TCF4: variants seen among roughly 807,000 people sequenced by gnomAD.
TCF4 encodes transcription factor 4, also known as SL3-3 enhancer factor 2.
Under a neutral mutation model 82.1 loss-of-function variants are expected in TCF4, and 3 were observed. That is an observed-to-expected ratio of 0.04 (90% CI 0.02 to 0.09). The LOEUF (loss-of-function observed/expected upper bound fraction) is 0.09. Ranked by LOEUF, TCF4 falls within the 10% of genes least tolerant of loss-of-function variation. The pLI is 1.00. For synonymous variants in TCF4, 276 were observed against 309.6 expected (o/e 0.89, Z 1.14); for missense variants, 518 against 852.7 (o/e 0.61, Z 4.89).
Position 55,577,186 on chromosome 18 carries a change from GTATATATACA to G in TCF4, c.145+8084_145+8093del, listed in dbSNP as rs1328634151. Among the ~76,000 whole-genome samples, 25 of 106,650 alleles carry G rather than the reference GTATATATACA, an allele frequency of 2.3e-4. No individual in the cohort carries two copies. The East Asian group carries it at 5.6e-3, about 24-fold the overall frequency. 70.0% of individuals were successfully genotyped at this position (106,650 alleles called of 152,430 possible). A position where few individuals can be genotyped will look rare whatever the true frequency, so the allele number is the denominator to read the frequency against. On this transcript the variant is annotated intron_variant, in intron 3 of 19. Coordinates refer to ENST00000354452, the MANE Select transcript of TCF4 (RefSeq NM_001083962.2). ...TATATACATTTATATATTTATAAAT[GTATATATACA>G]TTTATATATTTATATAAATGTATAT...
chr18:55,308,636 C>A (rs2071194697), intron 8 of TCF4, among the ~76,000 whole-genome samples: 2 of 152,194 alleles, frequency 1.3e-5, no homozygotes, highest in Non-Finnish European at 2.9e-5. Context: ...TGGAGGGTAT[C>A]ACTGGCTGGA....
chr18:55,425,447 T>C (rs561708875), intron 5 of TCF4, among the ~76,000 whole-genome samples: 1 of 151,762 alleles, frequency 6.6e-6, no homozygotes, highest in South Asian at 2.1e-4. Context: ...AATCTTTCCA[T>C]TCCCCAATGG....
At chr18:55,381,232 CA>C (rs1444157297) in intron 6 of TCF4, among the ~76,000 whole-genome samples, 1 of 152,180 alleles carries the variant, frequency 6.6e-6, no homozygotes, top group African/African-American at 2.4e-5. Flanking sequence ...ATTCTTACTG[CA>C]TTCACATTAA....
chr18:55,338,817 C>A (rs1428785009), intron 8 of TCF4, among the ~76,000 whole-genome samples: 1 of 152,130 alleles, frequency 6.6e-6, no homozygotes, highest in African/African-American at 2.4e-5. Context: ...ATAGATCATG[C>A]TTTTTATAAT....
intron 3 of TCF4, among the ~76,000 whole-genome samples, chr18:55,564,213 C>G (rs1025413630): frequency 1.3e-5 from 2 of 152,174 alleles, no homozygotes; most frequent in African/African-American, 4.8e-5. Context: ...CTAGAAGAAT[C>G]CCAATGTAGC....
chr18:55,367,661 G>A (rs564314853), intron 6 of TCF4, among the ~76,000 whole-genome samples: 4 of 152,290 alleles, frequency 2.6e-5, no homozygotes, highest in African/African-American at 7.2e-5. Flanking sequence ...GAATGTGCAG[G>A]AAAACATGAA....
At chr18:55,608,635 A>T (rs560898487) in intron 2 of TCF4, among the ~76,000 whole-genome samples, 1 of 152,246 alleles carries the variant, frequency 6.6e-6, no homozygotes, top group East Asian at 1.9e-4. Flanking sequence ...GCACTGTGCT[A>T]TGGGCCGTGG....
chr18:55,296,877 T>C (rs2066636433), intron 8 of TCF4, among the ~76,000 whole-genome samples: 2 of 152,178 alleles, frequency 1.3e-5, no homozygotes, highest in South Asian at 2.1e-4. Flanking sequence ...GTAAACTGAT[T>C]TGCCGTTGAA....
chr18:55,563,387 A>G (rs1025681156), intron 3 of TCF4, among the ~76,000 whole-genome samples: 5 of 152,170 alleles, frequency 3.3e-5, no homozygotes, highest in Non-Finnish European at 7.3e-5. Context: ...GAATTCAAGG[A>G]CCTCAAAGGG....
intron 1 of TCF4, among the ~76,000 whole-genome samples, chr18:55,587,602 G>GCACACA (rs1772334112): frequency 6.6e-6 from 1 of 150,676 alleles, no homozygotes; most frequent in Admixed American, 6.6e-5. Context: ...ACTCGCACAC[G>GCACACA]CACACACACT....
At chr18:55,458,662 C>T (rs1422770341) in intron 5 of TCF4, among the ~76,000 whole-genome samples, 2 of 152,028 alleles carry the variant, frequency 1.3e-5, no homozygotes, top group African/African-American at 2.4e-5. Context: ...CTTTGTTCCC[C>T]GAATCTAGCC....
intron 3 of TCF4, among the ~76,000 whole-genome samples, chr18:55,483,368 T>C (rs2096468533): frequency 6.6e-6 from 1 of 152,228 alleles, no homozygotes; most frequent in Admixed American, 6.5e-5. Flanking sequence ...TTCTCCATAA[T>C]TTAAATACTC....
intron 6 of TCF4, among the ~76,000 whole-genome samples, chr18:55,378,265 G>A (rs552951174): frequency 1.3e-5 from 2 of 152,160 alleles, no homozygotes; most frequent in South Asian, 4.1e-4. Context: ...ATATGGTATA[G>A]CTTGGCTAAT....
intron 2 of TCF4, among the ~76,000 whole-genome samples, chr18:55,626,423 T>G (rs2097726576): frequency 6.6e-6 from 1 of 152,194 alleles, no homozygotes; most frequent in African/African-American, 2.4e-5. Flanking sequence ...TAGAGGTTGG[T>G]GAAGTAGTTA....
intron 3 of TCF4, among the ~76,000 whole-genome samples, chr18:55,581,391 T>C (rs188540547): frequency 1.5e-4 from 23 of 152,182 alleles, no homozygotes; most frequent in Non-Finnish European, 2.8e-4. Flanking sequence ...TGGGTTTCTA[T>C]ACCCAAAATT....
chr18:55,453,694 A>C (rs2095672566), intron 5 of TCF4, among the ~76,000 whole-genome samples: 1 of 152,146 alleles, frequency 6.6e-6, no homozygotes, highest in South Asian at 2.1e-4. Context: ...AAACAAGACC[A>C]ATGAGAGAAG....
chr18:55,535,152 ACT>A (rs939964356), intron 3 of TCF4, among the ~76,000 whole-genome samples: 4 of 152,218 alleles, frequency 2.6e-5, no homozygotes, highest in African/African-American at 9.6e-5. Context: ...CACGTGAGAC[ACT>A]GTGTTCCAGT....
At chr18:55,581,395 C>T (rs2097573883) in intron 3 of TCF4, among the ~76,000 whole-genome samples, 1 of 151,930 alleles carries the variant, frequency 6.6e-6, no homozygotes, top group African/African-American at 2.4e-5. Flanking sequence ...TTTCTATACC[C>T]AAAATTCTGT....
intron 3 of TCF4, chr18:55,550,714 T>C (rs1603622082): frequency 6.6e-6 from 1 of 152,188 alleles, no homozygotes; most frequent in Admixed American, 6.5e-5. Context: ...GAGAAAAGAA[T>C]GTCCTCCTCT....
Sources: gnomAD v4.1 joint callset for allele counts (sites outside exome capture counted in the v4.1 genomes callset) on GRCh38, gnomAD v4.1.1 for gene constraint, MANE v1.5 for transcripts, NCBI Gene and HGNC (gene_info 2026-07-23, HGNC 2026-07-21) for gene names.